ATP2C2: variants seen among roughly 807,000 people sequenced by gnomAD.
ATP2C2 encodes calcium-transporting ATPase type 2C member 2.
In ATP2C2, 171 loss-of-function variants were observed where a neutral mutation model predicts 110.8. That is an observed-to-expected ratio of 1.54 (90% CI 1.36 to 1.75). The LOEUF (loss-of-function observed/expected upper bound fraction) is 1.75, where lower values mean the gene tolerates loss of function less well. Among genes scored for constraint, ATP2C2 ranks in the 40% most tolerant of loss-of-function variants. The probability of loss-of-function intolerance (pLI) is 0.00; values close to 1 mark genes in which losing one functional copy is unlikely to be tolerated. For synonymous variants in ATP2C2, 804 were observed against 508.4 expected (o/e 1.58, Z -7.82); for missense variants, 1,963 against 1,235.0 (o/e 1.59, Z -8.84).
intron 26 of ATP2C2, 35 bp downstream of exon 26, chr16:84,462,164 G>C (rs2241639): frequency 1.3e-6 from 2 of 1,594,542 alleles, no homozygotes; most frequent in Non-Finnish European, 1.7e-6. Context: ...AGGTGACCTC[G>C]ACCAGGGCCA....
At position 84,388,344 on chromosome 16, in the gene ATP2C2, A is replaced by G. The variant is rs139425388; in HGVS notation, c.100-10155A>G. On this transcript the variant is annotated intron_variant, in intron 1 of 26. Coordinates refer to ENST00000262429, the MANE Select transcript of ATP2C2 (RefSeq NM_014861.4). ...TGTCTCAAAAAAAAAAGAAAGAAAAACTAGTATCAACCTTTGAACACATCA... is the reference window on the plus strand; with the variant it reads ...TGTCTCAAAAAAAAAAGAAAGAAAAGCTAGTATCAACCTTTGAACACATCA... 5.4e-4 allele frequency among the ~76,000 whole-genome samples: 82 copies of G among 152,230 alleles called. 1 individual carries two copies. Among genetic ancestry groups the G allele is most frequent in the African/African-American group, 1.9e-3 (77 of 41,552 alleles).
At chr16:84,421,821 G>T (rs754711144) in intron 7 of ATP2C2, among the ~76,000 whole-genome samples, 1 of 152,156 alleles carries the variant, frequency 6.6e-6, no homozygotes, top group African/African-American at 2.4e-5. Flanking sequence ...TCTTCCATTG[G>T]GGGTGGTGAG....
At chr16:84,442,919 C>T (rs943779988) in intron 15 of ATP2C2, among the ~76,000 whole-genome samples, 2 of 152,162 alleles carry the variant, frequency 1.3e-5, no homozygotes, top group African/African-American at 4.8e-5. Flanking sequence ...ATGCACCCAA[C>T]ACGACCCTGT....
rs114367637 is a variant in ATP2C2 at position 84,451,814 on chromosome 16, G to A, written c.1661-107G>A. On this transcript the variant is annotated intron_variant, in intron 17 of 26. Coordinates refer to ENST00000262429, the MANE Select transcript of ATP2C2 (RefSeq NM_014861.4). ...CATTACACCACTGCACTCCAACCTG[G>A]GCGATAAGAACAAAACTCTCTTAAA... 214 of 1,171,960 alleles carry A rather than the reference G, an allele frequency of 1.8e-4. No homozygotes were observed. In the African/African-American group the frequency reaches 2.6e-3, roughly 14 times the overall value. 72.6% of individuals were successfully genotyped at this position (1,171,960 alleles called of 1,614,324 possible). A position where few individuals can be genotyped will look rare whatever the true frequency, so the allele number is the denominator to read the frequency against.
intron 7 of ATP2C2, among the ~76,000 whole-genome samples, chr16:84,418,553 A>G (rs980498200): frequency 4.3e-4 from 66 of 152,284 alleles, no homozygotes; most frequent in African/African-American, 1.6e-3. Context: ...TTCTCCCAAC[A>G]CCCTTAAGAG....
Position 84,448,670 on chromosome 16 carries a change from G to A in ATP2C2, c.1641G>A (p.Met547Ile). ...RSFCLQEEKR[M>I]GSLGLRVLAL... Reference sequence around the variant, plus strand: ...TCTGCCTGCAGGAAGAGAAGAGGATGGGGTCGCTCGGTTTGCGGGGTCAGT... The same window carrying A: ...TCTGCCTGCAGGAAGAGAAGAGGATAGGGTCGCTCGGTTTGCGGGGTCAGT... The change falls in exon 17 of 27, where the codon ATG becomes ATA. Residue 547 changes from methionine to isoleucine, a missense_variant. Physicochemically the swap from Met to Ile is conservative, Grantham distance 10. Coordinates refer to ENST00000262429, the MANE Select transcript of ATP2C2 (RefSeq NM_014861.4). 1 of 1,613,172 alleles carries A rather than the reference G, an allele frequency of 6.2e-7. No individual in the cohort carries two copies. The highest frequency in any genetic ancestry group is 2.2e-5 in the East Asian group (1 of 44,818).
At chr16:84,416,409 A>G (rs1395784444) in intron 7 of ATP2C2, among the ~76,000 whole-genome samples, 1 of 152,250 alleles carries the variant, frequency 6.6e-6, no homozygotes, top group Non-Finnish European at 1.5e-5. Flanking sequence ...GACACAGATT[A>G]TCTGCCTGAT....
intron 2 of ATP2C2, among the ~76,000 whole-genome samples, chr16:84,403,462 C>T (rs1033683389): frequency 6.6e-6 from 1 of 152,058 alleles, no homozygotes; most frequent in Non-Finnish European, 1.5e-5. Flanking sequence ...TCTGCCACCA[C>T]AATGGGCTAA....
chr16:84,414,521 C>T (rs910736321), intron 6 of ATP2C2, among the ~76,000 whole-genome samples: 4 of 152,136 alleles, frequency 2.6e-5, no homozygotes, highest in African/African-American at 9.7e-5. Flanking sequence ...CCACAAGCCC[C>T]CAGCAAACAT....
intron 1 of ATP2C2, among the ~76,000 whole-genome samples, chr16:84,378,739 A>G (rs973970766): frequency 1.3e-5 from 2 of 152,184 alleles, no homozygotes; most frequent in African/African-American, 4.8e-5. Context: ...TCACTGCAAA[A>G]CGGCCCCCTC....
At chr16:84,445,796 T>C (rs911954885) in intron 15 of ATP2C2, among the ~76,000 whole-genome samples, 1 of 152,258 alleles carries the variant, frequency 6.6e-6, no homozygotes, top group African/African-American at 2.4e-5. Flanking sequence ...GTGCCCCTGC[T>C]GCACCGCATT....
chr16:84,452,021 G>C lies in ATP2C2; in HGVS notation c.1761G>C (p.Gln587His), dbSNP rs564560735. 16 of 1,613,832 alleles carry C rather than the reference G, an allele frequency of 9.9e-6. 1 individual carries two copies. The South Asian group carries it at 1.6e-4, about 17-fold the overall frequency. Reference sequence around the variant, plus strand: ...GAGTTGGCGTGAAGGAAGCAGTCCAGGTTCTCTCCGAGTCTGGTGTGTCTG... The same window carrying C: ...GAGTTGGCGTGAAGGAAGCAGTCCACGTTCTCTCCGAGTCTGGTGTGTCTG... The part of the protein sequence containing the change: ...PPRVGVKEAV[Q>H]VLSESGVSVK... Residue 587 changes from glutamine (Q) to histidine (H), a missense_variant, in exon 18 of 27, where the codon CAG (glutamine) becomes CAC (histidine). Coordinates refer to ENST00000262429, the MANE Select transcript of ATP2C2 (RefSeq NM_014861.4).
intron 11 of ATP2C2, among the ~76,000 whole-genome samples, chr16:84,436,471 G>C (rs975884790): frequency 1.1e-4 from 17 of 152,196 alleles, no homozygotes; most frequent in Non-Finnish European, 1.0e-4. Context: ...GTCCCTGGCA[G>C]TGGCTGTGGG....
intron 1 of ATP2C2, among the ~76,000 whole-genome samples, chr16:84,385,944 A>C (rs1904313098): frequency 6.6e-6 from 1 of 152,232 alleles, no homozygotes; most frequent in South Asian, 2.1e-4. Context: ...TTGATTAAAT[A>C]TGCTATGATT....
Position 84,448,708 on chromosome 16 carries a change from G to A in ATP2C2, c.1660+19G>A, listed in dbSNP as rs370827511. The A allele has an allele frequency of 4.6e-5, 74 of 1,599,010 alleles. 1 individual carries two copies. The highest frequency in any genetic ancestry group is 1.2e-4 in the African/African-American group (9 of 74,248). On this transcript the variant is annotated intron_variant, in intron 17 of 26. Coordinates refer to ENST00000262429, the MANE Select transcript of ATP2C2 (RefSeq NM_014861.4). ...TTGCGGGGTCAGTGCCTGTGGTCCC[G>A]GCCCAGAGCTTTAAGCTTGCATGTA...
chr16:84,439,333 A>G (rs778871153), intron 12 of ATP2C2, 43 bp downstream of exon 12: 7 of 1,613,456 alleles, frequency 4.3e-6, no homozygotes, highest in Non-Finnish European at 5.9e-6. Context: ...GTGGAATTGA[A>G]TGGGGGCTTG....
At chr16:84,447,272 A>C (rs909685735) in intron 16 of ATP2C2, among the ~76,000 whole-genome samples, 2 of 152,198 alleles carry the variant, frequency 1.3e-5, no homozygotes, top group Non-Finnish European at 2.9e-5. Context: ...GGACACATGT[A>C]CATTTCAGGG....
At chr16:84,447,998 CACTG>C (rs1909917050) in intron 16 of ATP2C2, among the ~76,000 whole-genome samples, 1 of 151,954 alleles carries the variant, frequency 6.6e-6, no homozygotes, top group African/African-American at 2.4e-5. Context: ...GTGTGACTCT[CACTG>C]ACCCAGGGCC....
chr16:84,461,963 C>A (rs770121182), intron 25 of ATP2C2, 25 bp from the exon 26 acceptor site: 2 of 1,610,924 alleles, frequency 1.2e-6, no homozygotes, highest in African/African-American at 1.3e-5. Flanking sequence ...AGCACACAAT[C>A]CCCCGTGTGA....
Sources: allele counts gnomAD v4.1 joint callset (sites outside exome capture counted in the v4.1 genomes callset), GRCh38; gene constraint gnomAD v4.1.1; transcripts MANE v1.5; gene names NCBI Gene and HGNC (gene_info 2026-07-23, HGNC 2026-07-21).